The following RFX5 variants were observed in gnomAD, a reference collection of about 807,000 sequenced individuals.
RFX5 encodes DNA-binding protein RFX5.
A neutral mutation model predicts 41.2 loss-of-function variants in RFX5; 30 were observed. That is an observed-to-expected ratio of 0.73 (90% CI 0.54 to 0.99). The LOEUF (loss-of-function observed/expected upper bound fraction) is 0.99, where lower values mean the gene tolerates loss of function less well. Among genes scored for constraint, RFX5 ranks in the 50% least tolerant of loss-of-function variants. RFX5 has a pLI of 0.00. For missense variants in RFX5, 715 were observed against 773.6 expected (o/e 0.92, Z 0.90); for synonymous variants, 231 against 291.8 (o/e 0.79, Z 2.12).
In RFX5 at chr1:151,343,827, G is replaced by C. The variant is rs1260985647; in HGVS notation, c.611C>G (p.Ala204Gly). 2 of 1,614,130 alleles carry C rather than the reference G, an allele frequency of 1.2e-6. No homozygotes were observed. The highest frequency in any genetic ancestry group is 1.7e-6 in the Non-Finnish European group (2 of 1,180,036). Residue 204 changes from alanine (A) to glycine (G), a missense_variant, in exon 9 of 11, where the codon GCG becomes GGG. By Grantham distance (60) the Ala-to-Gly change is moderately conservative. Transcript: ENST00000452671. Reference protein sequence around the residue: ...PAPRDELVEAACALTCDWAER... With the variant: ...PAPRDELVEAGCALTCDWAER... The stretch of plus-strand genomic sequence containing the variant: ...TGCCCAGTCACAGGTCAGGGCACAC[G>C]CTGCCTCCACCAGTTCATCTCGAGG...
chr1:151,340,765 A>G lies in RFX5; in HGVS notation c.*1421T>C, dbSNP rs1172190106. The G allele has an allele frequency of 6.6e-6, 1 of 152,640 alleles. No individual in the cohort carries two copies. Among genetic ancestry groups the G allele is most frequent in the African/African-American group, 2.4e-5 (1 of 41,448 alleles). 9.5% of individuals were successfully genotyped at this position (152,640 alleles called of 1,614,324 possible). A position where few individuals can be genotyped will look rare whatever the true frequency, so the allele number is the denominator to read the frequency against. On this transcript the variant is annotated 3_prime_UTR_variant, in exon 11 of 11. Transcript: ENST00000452671. ...AAATATTACATATTATAATTTCTTAAAATCTGCTGTGGTGGAAATAAATGA... is the reference window on the plus strand; with the variant it reads ...AAATATTACATATTATAATTTCTTAGAATCTGCTGTGGTGGAAATAAATGA...
At position 151,341,892 on chromosome 1, in the gene RFX5, C is replaced by A; in HGVS notation, c.*294G>T. 1.8e-6 allele frequency: 1 copy of A among 561,936 alleles called. No homozygotes were observed. Among genetic ancestry groups the A allele is most frequent in the Non-Finnish European group, 3.3e-6 (1 of 303,064 alleles). 34.8% of individuals were successfully genotyped at this position (561,936 alleles called of 1,614,324 possible). A position where few individuals can be genotyped will look rare whatever the true frequency, so the allele number is the denominator to read the frequency against. On this transcript the variant is annotated 3_prime_UTR_variant, in exon 11 of 11. Transcript: ENST00000452671. ...TTCTGTGATTTAAAACCAAAAGATC[C>A]CTAACCTATATATTCATCATACTTA...
chr1:151,342,144 A>G lies in RFX5; in HGVS notation c.*42T>C, dbSNP rs1279348338. On this transcript the variant is annotated 3_prime_UTR_variant, in exon 11 of 11. Coordinates refer to ENST00000452671, the MANE Select transcript of RFX5 (RefSeq NM_001025603.2). ...GCAAAGAAGGGCCTCTACTAGGCAA[A>G]GTTAACGTAGGGATATAAACACTCT... 7 of 1,614,116 alleles carry G rather than the reference A, an allele frequency of 4.3e-6. No individual in the cohort carries two copies. Among genetic ancestry groups the G allele is most frequent in the Non-Finnish European group, 5.1e-6 (6 of 1,179,966 alleles).
intron 5 of RFX5, 94 bp from the exon 6 acceptor site, chr1:151,344,941 G>T: frequency 6.2e-7 from 1 of 1,607,534 alleles, no homozygotes; most frequent in East Asian, 2.2e-5. Context: ...ACCAAATTTA[G>T]TTCACCCAGA....
chr1:151,342,517 C>A lies in RFX5; in HGVS notation c.1520G>T (p.Gly507Val). Reference protein sequence around the residue: ...RLPWETWGSGGEGNSAGGAER... With the variant: ...RLPWETWGSGVEGNSAGGAER... ...TGCCCCTCCAGCTGAGTTGCCTTCC[C>A]CTCCTGAGCCCCATGTCTCCCATGG... The change falls in exon 11 of 11, where the codon GGG (glycine) becomes GTG (valine). Residue 507 changes from glycine (G) to valine (V), a missense_variant. Transcript: ENST00000452671. 2 of 1,614,054 alleles carry A rather than the reference C, an allele frequency of 1.2e-6. No individual in the cohort carries two copies. The highest frequency in any genetic ancestry group is 1.7e-6 in the Non-Finnish European group (2 of 1,179,954).
chr1:151,346,638 C>A, intron 1 of RFX5, 32 bp from the exon 2 acceptor site: 1 of 328,444 alleles, frequency 3.0e-6, no homozygotes, highest in Non-Finnish European at 5.8e-6. Flanking sequence ...GATTGGGAAT[C>A]CATGTTAGCA....
chr1:151,342,060 T>A lies in RFX5; in HGVS notation c.*126A>T. The A allele has an allele frequency of 7.3e-7, 1 of 1,370,238 alleles. No homozygotes were observed. The highest frequency in any genetic ancestry group is 1.0e-6 in the Non-Finnish European group (1 of 965,750). The allele number at this position is 1,370,238 out of a possible 1,614,324, so 84.9% of individuals were successfully genotyped here. A position where few individuals can be genotyped will look rare whatever the true frequency, so the allele number is the denominator to read the frequency against. On this transcript the variant is annotated 3_prime_UTR_variant, in exon 11 of 11. Transcript: ENST00000452671. ...TACTAAGTAGACTGGGTGACTCAGCTGTCTGTACAGAGGAGAATGGACTTC... is the reference window on the plus strand; with the variant it reads ...TACTAAGTAGACTGGGTGACTCAGCAGTCTGTACAGAGGAGAATGGACTTC...
intron 10 of RFX5, 58 bp from the exon 11 acceptor site, chr1:151,343,236 T>G (rs1650664367): frequency 1.2e-6 from 2 of 1,610,098 alleles, no homozygotes; most frequent in East Asian, 4.5e-5. Flanking sequence ...GGGGGAAACA[T>G]AGACGCCAGA....
chr1:151,342,150 C>G lies in RFX5; in HGVS notation c.*36G>C. The G allele has an allele frequency of 6.2e-7, 1 of 1,614,080 alleles. No individual in the cohort carries two copies. The highest frequency in any genetic ancestry group is 8.5e-7 in the Non-Finnish European group (1 of 1,179,982). On this transcript the variant is annotated 3_prime_UTR_variant, in exon 11 of 11. Coordinates refer to ENST00000452671, the MANE Select transcript of RFX5 (RefSeq NM_001025603.2). The stretch of plus-strand genomic sequence containing the variant: ...AAGGGCCTCTACTAGGCAAAGTTAA[C>G]GTAGGGATATAAACACTCTTCCCCA...
Position 151,343,711 on chromosome 1 carries a change from C to A in RFX5, c.727G>T (p.Ala243Ser). 1 of 1,614,118 alleles carries A rather than the reference C, an allele frequency of 6.2e-7. No homozygotes were observed. The highest frequency in any genetic ancestry group is 1.1e-5 in the South Asian group (1 of 91,082). ...AGCCCCATGGCCTTAAGCACATGGG[C>A]ATGTGCAGATCGGGCAGAGATGAGA... ...QHLISARSAH[A>S]HVLKAMGLAE... The change falls in exon 9 of 11, where the codon GCC becomes TCC. Residue 243 changes from alanine (A) to serine (S), a missense_variant. By Grantham distance (99) the Ala-to-Ser change is moderately conservative. Coordinates refer to ENST00000452671, the MANE Select transcript of RFX5 (RefSeq NM_001025603.2).
intron 8 of RFX5, 129 bp downstream of exon 8, chr1:151,344,068 G>A: frequency 1.7e-6 from 2 of 1,144,064 alleles, no homozygotes; most frequent in Non-Finnish European, 2.6e-6. Context: ...AGGGTTGGCA[G>A]AAGGGAACAT....
Position 151,342,034 on chromosome 1 carries a change from G to T in RFX5, c.*152C>A. ...TGAAAAGGTCAGAGGCAGCAACCAGGTACTAAGTAGACTGGGTGACTCAGC... is the reference window on the plus strand; with the variant it reads ...TGAAAAGGTCAGAGGCAGCAACCAGTTACTAAGTAGACTGGGTGACTCAGC... On this transcript the variant is annotated 3_prime_UTR_variant, in exon 11 of 11. Transcript: ENST00000452671. The T allele has an allele frequency of 9.3e-7, 1 of 1,077,388 alleles. No homozygotes were observed. The highest frequency in any genetic ancestry group is 1.4e-6 in the Non-Finnish European group (1 of 707,398). 66.7% of individuals were successfully genotyped at this position (1,077,388 alleles called of 1,614,324 possible). A position where few individuals can be genotyped will look rare whatever the true frequency, so the allele number is the denominator to read the frequency against.
Position 151,342,378 on chromosome 1 carries a change from T to C in RFX5, c.1659A>G (p.Glu553=). 1 of 1,614,186 alleles carries C rather than the reference T, an allele frequency of 6.2e-7. No homozygotes were observed. Among genetic ancestry groups the C allele is most frequent in the Non-Finnish European group, 8.5e-7 (1 of 1,180,044 alleles). The change falls in exon 11 of 11, where the codon GAA becomes GAG. Residue 553 remains glutamate (E), a synonymous_variant. Coordinates refer to ENST00000452671, the MANE Select transcript of RFX5 (RefSeq NM_001025603.2). ...GRGPGSQHTK[E]AEDKIPLVPS... is the part of the protein sequence containing the mutation. ...GGACCAAGGGAATTTTATCTTCTGC[T>C]TCTTTGGTATGCTGGGAACCGGGGC...
Position 151,342,805 on chromosome 1 carries a change from C to T in RFX5, c.1232G>A (p.Gly411Asp), listed in dbSNP as rs1487731439. Residue 411 changes from glycine to aspartate, a missense_variant, in exon 11 of 11, where the codon GGC (glycine) becomes GAC (aspartate). By Grantham distance (94) the Gly-to-Asp change is moderately conservative. Coordinates refer to ENST00000452671, the MANE Select transcript of RFX5 (RefSeq NM_001025603.2). ...TATGCCTACCTCTCTGTTCTCTGTG[C>T]CCCGGGGCTGAGTGAGTCCCCCAGG... ...APPGGLTQPR[G>D]TENREVGIGG... The T allele has an allele frequency of 1.9e-6, 3 of 1,614,120 alleles. No individual in the cohort carries two copies. Among genetic ancestry groups the T allele is most frequent in the Admixed American group, 1.7e-5 (1 of 60,012 alleles).
chr1:151,342,356 C>A lies in RFX5; in HGVS notation c.1681G>T (p.Val561Phe). 5 of 1,614,166 alleles carry A rather than the reference C, an allele frequency of 3.1e-6. No individual in the cohort carries two copies. The highest frequency in any genetic ancestry group is 4.2e-6 in the Non-Finnish European group (5 of 1,180,022). Reference sequence around the variant, plus strand: ...TTGATGACACTCACTTTTGAGGGGACCAAGGGAATTTTATCTTCTGCTTCT... The same window carrying A: ...TTGATGACACTCACTTTTGAGGGGAACAAGGGAATTTTATCTTCTGCTTCT... ...TKEAEDKIPL[V>F]PSKVSVIKGS... is the part of the protein sequence containing the mutation. Residue 561 changes from valine (V) to phenylalanine (F), a missense_variant, in exon 11 of 11, where the codon GTC becomes TTC. Coordinates refer to ENST00000452671, the MANE Select transcript of RFX5 (RefSeq NM_001025603.2).
Position 151,343,394 on chromosome 1 carries a change from C to T in RFX5, c.806G>A (p.Gly269Asp), listed in dbSNP as rs773226609. ...PRERSSKPKN[G>D]LENPEGGAHK... is the part of the protein sequence containing the mutation. Reference sequence around the variant, plus strand: ...GGCTCCACCCTCTGGGTTCTCTAAACCATTCTTTGGTTTAGATGACCGTTC... The same window carrying T: ...GGCTCCACCCTCTGGGTTCTCTAAATCATTCTTTGGTTTAGATGACCGTTC... The change falls in exon 10 of 11, where the codon GGT (glycine) becomes GAT (aspartate). Residue 269 changes from glycine to aspartate, a missense_variant. Gly to Asp is a moderately conservative substitution (Grantham distance 94). Coordinates refer to ENST00000452671, the MANE Select transcript of RFX5 (RefSeq NM_001025603.2). The T allele has an allele frequency of 1.8e-5, 29 of 1,613,784 alleles. No individual in the cohort carries two copies.
At chr1:151,346,108 C>T (rs1031834513) in intron 3 of RFX5, 97 bp downstream of exon 3, 6 of 1,553,274 alleles carry the variant, frequency 3.9e-6, no homozygotes, top group Non-Finnish European at 5.3e-6. Flanking sequence ...GCTCCCATGC[C>T]CTTGCTGAGA....
In RFX5 at chr1:151,342,516, C is replaced by G. The variant is rs755198058; in HGVS notation, c.1521G>C (p.Gly507=). ...RLPWETWGSG[G]EGNSAGGAER... The stretch of plus-strand genomic sequence containing the variant: ...CTGCCCCTCCAGCTGAGTTGCCTTC[C>G]CCTCCTGAGCCCCATGTCTCCCATG... The change falls in exon 11 of 11, where the codon GGG becomes GGC. Residue 507 remains glycine, a synonymous_variant. Transcript: ENST00000452671. 6.2e-7 allele frequency: 1 copy of G among 1,613,914 alleles called. No individual in the cohort carries two copies.
chr1:151,345,219 A>G, intron 4 of RFX5, 31 bp from the exon 5 acceptor site: 2 of 1,575,862 alleles, frequency 1.3e-6, no homozygotes, highest in Non-Finnish European at 1.7e-6. Flanking sequence ...GGCAGGAGAA[A>G]TAATAAGGCC....
Sources: gnomAD v4.1 joint callset for allele counts on GRCh38, gnomAD v4.1.1 for gene constraint, MANE v1.5 for transcripts, NCBI Gene and HGNC (gene_info 2026-07-23, HGNC 2026-07-21) for gene names.